The following FAM219A variants were observed in gnomAD, a reference collection of about 807,000 sequenced individuals.
The protein encoded by FAM219A is family with sequence similarity 219 member A.
Under a neutral mutation model 23.4 loss-of-function variants are expected in FAM219A, and 7 were observed. That is an observed-to-expected ratio of 0.30 (90% CI 0.17 to 0.56). The LOEUF (loss-of-function observed/expected upper bound fraction) is 0.56, where lower values mean the gene tolerates loss of function less well. FAM219A is among the 20% of genes least tolerant of loss of function. The pLI is 0.92. For synonymous variants in FAM219A, 93 were observed against 99.0 expected (o/e 0.94, Z 0.36); for missense variants, 166 against 246.9 (o/e 0.67, Z 2.20).
chr9:34,408,034 G>A (rs543117320), intron 1 of FAM219A, among the ~76,000 whole-genome samples: 3 of 152,192 alleles, frequency 2.0e-5, no homozygotes, highest in African/African-American at 7.2e-5. Flanking sequence ...ACAAGGCTCT[G>A]GGTGGGTTGT....
intron 1 of FAM219A, among the ~76,000 whole-genome samples, chr9:34,416,808 A>ATT (rs781741211): frequency 2.0e-4 from 23 of 113,614 alleles, no homozygotes; most frequent in African/African-American, 6.5e-4. Context: ...TCAGCTCTCC[A>ATT]TTTTTTTTTT....
In FAM219A at chr9:34,457,055, A is replaced by G. The variant is rs1324406438; in HGVS notation, c.60+1149T>C. 5.3e-5 allele frequency among the ~76,000 whole-genome samples: 8 copies of G among 152,218 alleles called. No homozygotes were observed. The highest frequency in any genetic ancestry group is 5.2e-4 in the Admixed American group (8 of 15,284). ...TTCTGGCCACCCTGCCTAACACAGA[A>G]GCAGAACTTCAGAACTTGGAGAACT... On this transcript the variant is annotated intron_variant, in intron 1 of 5. Transcript: ENST00000651358. This position sits in a 1 kb window ranked among gnomAD's most constrained non-coding sequence, Gnocchi z 5.1.
In FAM219A at chr9:34,421,009, TGA is replaced by T. The variant is rs143749316; in HGVS notation, c.61-15047_61-15046del. Among the ~76,000 whole-genome samples the T allele has an allele frequency of 2.4e-3, 205 of 86,400 alleles. 1 individual carries two copies. In the Middle Eastern group the frequency reaches 0.068, roughly 29 times the overall value. The allele number at this position is 86,400 out of a possible 152,430, so 56.7% of individuals were successfully genotyped here. ...GTGTGTGTATGTGTGTGTGTGTGTG[TGA>T]GAGAGAGAGAGAGAGAGAGAGAGAG... On this transcript the variant is annotated intron_variant, in intron 1 of 5. Coordinates refer to ENST00000651358, the MANE Select transcript of FAM219A (RefSeq NM_001184940.2).
chr9:34,438,340 A>AC (rs2131994858), intron 1 of FAM219A, among the ~76,000 whole-genome samples: 1 of 152,318 alleles, frequency 6.6e-6, no homozygotes, highest in African/African-American at 2.4e-5. Flanking sequence ...GGCGCATGGC[A>AC]CCGGGACTGG....
intron 1 of FAM219A, among the ~76,000 whole-genome samples, chr9:34,435,096 C>T (rs1367974765): frequency 1.3e-5 from 2 of 152,184 alleles, no homozygotes; most frequent in East Asian, 1.9e-4. Context: ...ACTGGGATTA[C>T]AGGCCTGAGC....
At chr9:34,412,362 A>G (rs1821853442) in intron 1 of FAM219A, among the ~76,000 whole-genome samples, 1 of 152,214 alleles carries the variant, frequency 6.6e-6, no homozygotes, top group Admixed American at 6.5e-5. Context: ...TCTGGAGGTA[A>G]TTGGGAAGAG....
chr9:34,398,602 C>G lies in FAM219A; in HGVS notation c.*2362G>C, dbSNP rs1821307110. The G allele has an allele frequency of 1.8e-6, 1 of 561,680 alleles. No individual in the cohort carries two copies. The highest frequency in any genetic ancestry group is 3.2e-6 in the Non-Finnish European group (1 of 313,896). 34.8% of individuals were successfully genotyped at this position (561,680 alleles called of 1,614,324 possible). A position where few individuals can be genotyped will look rare whatever the true frequency, so the allele number is the denominator to read the frequency against. ...TGTCCTGTGGGGGGGGAGATTTTCC[C>G]TGGTGTCTCAGGGCCACAGAGATTG... On this transcript the variant is annotated 3_prime_UTR_variant, in exon 6 of 6. Coordinates refer to ENST00000651358, the MANE Select transcript of FAM219A (RefSeq NM_001184940.2).
At chr9:34,430,940 C>T (rs1365863692) in intron 1 of FAM219A, among the ~76,000 whole-genome samples, 1 of 152,234 alleles carries the variant, frequency 6.6e-6, no homozygotes, top group Admixed American at 6.5e-5. Flanking sequence ...AGGAGGAGCT[C>T]TCCAGGGTTC....
At position 34,421,603 on chromosome 9, in the gene FAM219A, C is replaced by G. The variant is rs1822288267; in HGVS notation, c.61-15639G>C. Among the ~76,000 whole-genome samples the G allele has an allele frequency of 2.6e-5, 4 of 152,136 alleles. No individual in the cohort carries two copies. In the South Asian group the frequency reaches 8.3e-4, roughly 32 times the overall value. On this transcript the variant is annotated intron_variant, in intron 1 of 5. Coordinates refer to ENST00000651358, the MANE Select transcript of FAM219A (RefSeq NM_001184940.2). ...TCAATAGGAAAGGCCGCTGAAACAG[C>G]AAATGACCAACATTTCCCAAAGAGC...
At chr9:34,415,997 C>T (rs1437534451) in intron 1 of FAM219A, among the ~76,000 whole-genome samples, 1 of 151,744 alleles carries the variant, frequency 6.6e-6, no homozygotes, top group Non-Finnish European at 1.5e-5. Context: ...GGCAAGATAG[C>T]AAGAAGGTGA....
intron 1 of FAM219A, among the ~76,000 whole-genome samples, chr9:34,431,876 G>A (rs1822720871): frequency 6.6e-6 from 1 of 152,242 alleles, no homozygotes; most frequent in South Asian, 2.1e-4. Flanking sequence ...TTGGGTGTAT[G>A]TGCATGTGCA....
Position 34,400,825 on chromosome 9 carries a change from G to GCAAT in FAM219A, c.*135_*138dup, listed in dbSNP as rs1238718301. On this transcript the variant is annotated 3_prime_UTR_variant, in exon 6 of 6. Coordinates refer to ENST00000651358, the MANE Select transcript of FAM219A (RefSeq NM_001184940.2). ...GGTACACGTCCTACCATAGGAGGAA[G>GCAAT]CAATGACTGTTATACGAGGTTGGCG... 2.4e-6 allele frequency: 2 copies of GCAAT among 836,150 alleles called. No individual in the cohort carries two copies. The highest frequency in any genetic ancestry group is 3.6e-5 in the African/African-American group (2 of 55,594). 51.8% of individuals were successfully genotyped at this position (836,150 alleles called of 1,614,324 possible). A position where few individuals can be genotyped will look rare whatever the true frequency, so the allele number is the denominator to read the frequency against.
intron 1 of FAM219A, among the ~76,000 whole-genome samples, chr9:34,419,933 T>C (rs1454011802): frequency 6.6e-6 from 1 of 152,188 alleles, no homozygotes; most frequent in East Asian, 1.9e-4. Flanking sequence ...GTCGCTGCCC[T>C]TCCTCTCCTT....
chr9:34,431,896 G>A (rs557903748), intron 1 of FAM219A, among the ~76,000 whole-genome samples: 6 of 152,336 alleles, frequency 3.9e-5, no homozygotes, highest in East Asian at 3.9e-4. Context: ...ATATGTGCAC[G>A]CATGTGTGAA....
intron 1 of FAM219A, among the ~76,000 whole-genome samples, chr9:34,449,007 A>AG (rs1401953544): frequency 2.0e-5 from 2 of 102,218 alleles, no homozygotes; most frequent in South Asian, 3.8e-4. Context: ...AAAAAAAAAA[A>AG]ACCTCAGCCA....
chr9:34,438,521 G>A (rs1199037902), intron 1 of FAM219A, among the ~76,000 whole-genome samples: 1 of 152,152 alleles, frequency 6.6e-6, no homozygotes, highest in Non-Finnish European at 1.5e-5. Context: ...TGGACACTCT[G>A]TATCTATCTA....
At chr9:34,428,046 T>C (rs1184849287) in intron 1 of FAM219A, among the ~76,000 whole-genome samples, 2 of 152,176 alleles carry the variant, frequency 1.3e-5, no homozygotes, top group Non-Finnish European at 2.9e-5. Context: ...ACTTCCACAA[T>C]CAAATGATTA....
Position 34,458,351 on chromosome 9 carries a change from G to T in FAM219A, c.-88C>A. 2.9e-6 allele frequency: 3 copies of T among 1,036,398 alleles called. No homozygotes were observed. The highest frequency in any genetic ancestry group is 7.6e-4 in the Middle Eastern group (2 of 2,636). The allele number at this position is 1,036,398 out of a possible 1,614,324, so 64.2% of individuals were successfully genotyped here. ...GGGCGGCGGCCCCAGGAGCCCGGCGGGTGGTGCAGACTAGGCCTCCCCGGA... is the reference window on the plus strand; with the variant it reads ...GGGCGGCGGCCCCAGGAGCCCGGCGTGTGGTGCAGACTAGGCCTCCCCGGA... On this transcript the variant is annotated 5_prime_UTR_variant, in exon 1 of 6. Coordinates refer to ENST00000651358, the MANE Select transcript of FAM219A (RefSeq NM_001184940.2). The surrounding 1 kb of genome is among the most constrained non-coding windows in gnomAD (Gnocchi z 6.6).
chr9:34,438,242 C>T (rs963609701), intron 1 of FAM219A, among the ~76,000 whole-genome samples: 19 of 152,218 alleles, frequency 1.2e-4, no homozygotes, highest in Non-Finnish European at 4.4e-5. Flanking sequence ...CATGAGCCTC[C>T]CCAGTGAGGC....
Sources: gnomAD v4.1 joint callset for allele counts (sites outside exome capture counted in the v4.1 genomes callset) on GRCh38, gnomAD v4.1.1 for gene constraint, Gnocchi (gnomAD v3.1) non-coding constraint, MANE v1.5 for transcripts, NCBI Gene and HGNC (gene_info 2026-07-23, HGNC 2026-07-21) for gene names.